Variants in PLAC1 observed in about 807,000 individuals in gnomAD.
PLAC1 encodes the protein placenta-specific protein 1.
For missense variants in PLAC1, 136 were observed against 163.2 expected, an observed-to-expected ratio of 0.83 and a Z score of 0.91; for synonymous variants, 68 against 62.1, an observed-to-expected ratio of 1.09 and a Z score of -0.44.
chrX:134,762,132 C>T (rs893184679), intron 1 of PLAC1, among the ~76,000 whole-genome samples: 2 of 107,799 alleles, frequency 1.9e-5, no homozygotes, highest in Non-Finnish European at 3.8e-5. Context: ...TCTTTGAATG[C>T]TGACAAAGGG....
chrX:134,683,938 G>C (rs2078506981), intron 2 of PLAC1, among the ~76,000 whole-genome samples: 1 of 112,084 alleles, frequency 8.9e-6, no homozygotes, highest in African/African-American at 3.2e-5. Flanking sequence ...GTCCACTACA[G>C]GCAAGGTATC....
chrX:134,578,684 G>T (rs1359368099), intron 2 of PLAC1, among the ~76,000 whole-genome samples: 1 of 107,229 alleles, frequency 9.3e-6, no homozygotes, highest in Admixed American at 1.0e-4. Context: ...TTGAGGAAAT[G>T]GTCTTTCTAA....
intron 2 of PLAC1, among the ~76,000 whole-genome samples, chrX:134,667,427 G>A (rs1180342280): frequency 1.8e-5 from 2 of 112,188 alleles, no homozygotes; most frequent in Non-Finnish European, 3.8e-5. Context: ...ATAAAAATAT[G>A]CTCGACATCA....
chrX:134,737,644 A>G (rs778689786), intron 1 of PLAC1, among the ~76,000 whole-genome samples: 3 of 112,132 alleles, frequency 2.7e-5, no homozygotes, highest in Non-Finnish European at 5.6e-5. Context: ...AGCACCACTG[A>G]TCCCCAACAT....
intron 1 of PLAC1, among the ~76,000 whole-genome samples, chrX:134,741,044 G>C (rs2078715810): frequency 8.9e-6 from 1 of 112,204 alleles, no homozygotes; most frequent in Non-Finnish European, 1.9e-5. Flanking sequence ...TTCTTGATCT[G>C]GGTATTGGTT....
intron 1 of PLAC1, among the ~76,000 whole-genome samples, chrX:134,743,458 C>T (rs1342570309): frequency 9.2e-6 from 1 of 109,133 alleles, no homozygotes; most frequent in African/African-American, 3.3e-5. Flanking sequence ...CAGTCAATGC[C>T]TGAAAGAAGC....
chrX:134,716,924 G>A (rs1221154567), intron 2 of PLAC1, among the ~76,000 whole-genome samples: 2 of 112,196 alleles, frequency 1.8e-5, no homozygotes, highest in Non-Finnish European at 3.8e-5. Flanking sequence ...CAAGACTATT[G>A]TGGGAATTAA....
chrX:134,691,223 T>C (rs1447791601), intron 2 of PLAC1, among the ~76,000 whole-genome samples: 1 of 106,713 alleles, frequency 9.4e-6, no homozygotes, highest in Non-Finnish European at 1.9e-5. Context: ...TGGCTGTTAC[T>C]ATAAAAATTT....
intron 1 of PLAC1, among the ~76,000 whole-genome samples, chrX:134,631,304 G>C (rs1006753604): frequency 8.9e-6 from 1 of 112,049 alleles, no homozygotes; most frequent in African/African-American, 3.2e-5. Context: ...AATAGTAGGA[G>C]TGGAAAGGTG....
chrX:134,629,877 T>A (rs186225803), intron 1 of PLAC1, among the ~76,000 whole-genome samples: 6 of 111,727 alleles, frequency 5.4e-5, no homozygotes, highest in Non-Finnish European at 9.4e-5. Context: ...AGCCTCTAGA[T>A]GTGTTTGGAC....
intron 2 of PLAC1, among the ~76,000 whole-genome samples, chrX:134,725,803 C>G (rs1484220105): frequency 8.9e-6 from 1 of 111,754 alleles, no homozygotes; most frequent in East Asian, 2.8e-4. Flanking sequence ...TCGAGACCAT[C>G]CTGGCCAACA....
intron 2 of PLAC1, among the ~76,000 whole-genome samples, chrX:134,665,293 T>A (rs2078432927): frequency 1.8e-5 from 2 of 112,081 alleles, no homozygotes; most frequent in Admixed American, 9.5e-5. Flanking sequence ...CTGTCTATTC[T>A]TGCACTTCAG....
chrX:134,588,396 C>G lies in PLAC1; in HGVS notation c.-59+13655G>C, dbSNP rs907191475. On this transcript the variant is annotated intron_variant, in intron 2 of 2. Transcript: ENST00000359237. ...CTGGAGTGCAGTGGCACGATCTTGG[C>G]TCACTGCAACCTCTGCCTCCCGTAG... Among the ~76,000 whole-genome samples, 5 of 108,854 alleles carry G rather than the reference C, an allele frequency of 4.6e-5. No individual in the cohort carries two copies. The East Asian group carries it at 1.1e-3, about 25-fold the overall frequency. The allele number at this position is 108,854 out of a possible 115,157, so 94.5% of individuals were successfully genotyped here.
At chrX:134,633,945 A>G (rs2078272629) in intron 1 of PLAC1, among the ~76,000 whole-genome samples, 1 of 111,648 alleles carries the variant, frequency 9.0e-6, no homozygotes, top group Admixed American at 9.5e-5. Context: ...GACAGGAGAA[A>G]GAGCACTGGA....
In PLAC1 at chrX:134,566,121, G is replaced by T. The variant is rs746874301; in HGVS notation, c.562C>A (p.Pro188Thr). 3 of 1,209,116 alleles carry T rather than the reference G, an allele frequency of 2.5e-6. No individual in the cohort carries two copies. Among genetic ancestry groups the T allele is most frequent in the Middle Eastern group, 2.3e-4 (1 of 4,345 alleles). The change falls in exon 3 of 3, where the codon CCT becomes ACT. Residue 188 changes from proline to threonine, a missense_variant. Physicochemically the swap from Pro to Thr is conservative, Grantham distance 38. Transcript: ENST00000359237. ...CHQAGAQEAQPLQPSHFLDIS... is the reference protein window; with the variant it reads ...CHQAGAQEAQTLQPSHFLDIS... ...TCAAGAAAGTGAGATGGCTGCAGAG[G>T]TTGAGCCTCCTGAGCCCCTGCTTGG...
chrX:134,642,380 C>G (rs1341682826), intron 1 of PLAC1, among the ~76,000 whole-genome samples: 1 of 111,946 alleles, frequency 8.9e-6, no homozygotes, highest in African/African-American at 3.3e-5. Flanking sequence ...GGGTTGCTAC[C>G]TCCAATAAAA....
chrX:134,685,475 G>A (rs1359482797), intron 2 of PLAC1, among the ~76,000 whole-genome samples: 1 of 12,453 alleles, frequency 8.0e-5, no homozygotes, highest in Non-Finnish European at 1.9e-4. Flanking sequence ...TTTTTTTTTT[G>A]GTTAGTACTT....
At chrX:134,625,279 A>G (rs1157880852) in intron 1 of PLAC1, among the ~76,000 whole-genome samples, 3 of 112,463 alleles carry the variant, frequency 2.7e-5, no homozygotes, top group Non-Finnish European at 3.8e-5. Context: ...GTACATGTGC[A>G]TGGCACACAG....
rs183107617 is a variant in PLAC1 at position 134,705,275 on chromosome X, C to T, written n.174+28160G>A. 2.8e-3 allele frequency among the ~76,000 whole-genome samples: 290 copies of T among 105,233 alleles called. 2 individuals carry two copies. The highest frequency in any genetic ancestry group is 9.5e-3 in the African/African-American group (274 of 28,823). The allele number at this position is 105,233 out of a possible 115,157, so 91.4% of individuals were successfully genotyped here. On this transcript the variant is annotated intron_variant and non_coding_transcript_variant, in intron 2 of 2. Coordinates refer to the PLAC1 transcript ENST00000466797. ...TCTACTAAAAATACAAAAAGTTAGT[C>T]GGGTGTGGTGGCAGGCACCTATAAT...
Sources: gnomAD v4.1 joint callset for allele counts (sites outside exome capture counted in the v4.1 genomes callset) on GRCh38, gnomAD v4.1.1 for gene constraint, MANE v1.5 for transcripts, NCBI Gene and HGNC (gene_info 2026-07-23, HGNC 2026-07-21) for gene names.